Variants in RAB10 observed in about 807,000 individuals in gnomAD.
The protein encoded by RAB10 is RAB10, member RAS oncogene family.
RAB10 carries 5 observed loss-of-function variants against 25.7 expected under a neutral mutation model. The ratio of observed to expected loss-of-function variants is 0.19; its 90% CI spans 0.10 to 0.41. RAB10 has a LOEUF of 0.41. RAB10 is among the 10% of genes least tolerant of loss of function. The pLI is 1.00. For missense variants in RAB10, 103 were observed against 245.8 expected (o/e 0.42, Z 3.89); for synonymous variants, 89 against 86.4 (o/e 1.03, Z -0.16).
chr2:26,110,695 G>GT (rs529535777), intron 3 of RAB10, among the ~76,000 whole-genome samples: 149 of 150,588 alleles, frequency 9.9e-4, no homozygotes, highest in South Asian at 6.8e-3. Flanking sequence ...TGAAAATGTT[G>GT]TTTTTTTTTC....
At chr2:26,033,744 G>A (rs1015392256), upstream of RAB10, among the ~76,000 whole-genome samples, 1 of 152,132 alleles carries the variant, frequency 6.6e-6, no homozygotes, top group African/African-American at 2.4e-5. Context: ...GGAAGGAGGT[G>A]CTGGGCTCTG....
At chr2:26,122,186 C>CA (rs1667818205) in intron 3 of RAB10, among the ~76,000 whole-genome samples, 1 of 152,188 alleles carries the variant, frequency 6.6e-6, no homozygotes, top group African/African-American at 2.4e-5. Flanking sequence ...ATTAATCCAG[C>CA]ATAAGGACCA....
At chr2:26,103,542 T>C (rs769900329) in intron 2 of RAB10, among the ~76,000 whole-genome samples, 2 of 152,226 alleles carry the variant, frequency 1.3e-5, no homozygotes, top group Non-Finnish European at 2.9e-5. Context: ...GTTTTTACTT[T>C]TATTTTTTTG....
chr2:26,116,531 C>A (rs980995947), intron 3 of RAB10, among the ~76,000 whole-genome samples: 1 of 122,364 alleles, frequency 8.2e-6, no homozygotes, highest in Non-Finnish European at 1.8e-5. Context: ...TATTTCTTTT[C>A]TTTCTTTCTG....
intron 2 of RAB10, among the ~76,000 whole-genome samples, chr2:26,107,313 AAAG>A (rs747231812): frequency 1.3e-5 from 2 of 151,972 alleles, no homozygotes; most frequent in Non-Finnish European, 2.9e-5. Context: ...ATGATCTGTA[AAAG>A]AAAAAAAAAT....
chr2:26,035,139 TG>T (rs1347599769), intron 1 of RAB10, among the ~76,000 whole-genome samples: 10 of 152,200 alleles, frequency 6.6e-5, no homozygotes, highest in Non-Finnish European at 1.2e-4. Context: ...ATTTATACTT[TG>T]GGGCAAAGAA....
Position 26,136,221 on chromosome 2 carries a change from CCT to C in RAB10, c.*1203_*1204del, listed in dbSNP as rs1390178026. ...TTGAGTAGTCTGCATTTTGGCAACT[CCT>C]CTAGCAGCTTGGTAGCCTAGTACAG... On this transcript the variant is annotated 3_prime_UTR_variant, in exon 6 of 6. Transcript: ENST00000264710. 6.6e-6 allele frequency: 1 copy of C among 152,536 alleles called. No homozygotes were observed. Among genetic ancestry groups the C allele is most frequent in the African/African-American group, 2.4e-5 (1 of 41,412 alleles). 9.4% of individuals were successfully genotyped at this position (152,536 alleles called of 1,614,324 possible).
chr2:26,077,388 T>G (rs1177559139), intron 1 of RAB10, among the ~76,000 whole-genome samples: 1 of 152,210 alleles, frequency 6.6e-6, no homozygotes, highest in Non-Finnish European at 1.5e-5. Context: ...TGCTTTTGTA[T>G]TATTGTCCAT....
At chr2:26,087,031 G>T (rs1667002506) in intron 1 of RAB10, among the ~76,000 whole-genome samples, 1 of 152,018 alleles carries the variant, frequency 6.6e-6, no homozygotes, top group South Asian at 2.1e-4. Flanking sequence ...AAAACATGTT[G>T]CAACTATTTA....
rs1432226835 is a variant in RAB10, at chr2:26,034,322, GC to G, written c.-284del. The G allele has an allele frequency of 2.1e-5, 12 of 562,820 alleles. No homozygotes were observed. Among genetic ancestry groups the G allele is most frequent in the Middle Eastern group, 4.7e-4 (1 of 2,126 alleles). 34.9% of individuals were successfully genotyped at this position (562,820 alleles called of 1,614,324 possible). On this transcript the variant is annotated 5_prime_UTR_variant, in exon 1 of 6. Transcript: ENST00000264710. ...CCCGTGGGAGCGTCCCGGCCGAGAAGCCCTGAGGGGGGAGGGGAGGCCATTT... is the reference window on the plus strand; with the variant it reads ...CCCGTGGGAGCGTCCCGGCCGAGAAGCCTGAGGGGGGAGGGGAGGCCATTT...
chr2:26,070,270 G>A (rs1666597467), intron 1 of RAB10, among the ~76,000 whole-genome samples: 1 of 152,160 alleles, frequency 6.6e-6, no homozygotes, highest in African/African-American at 2.4e-5. Flanking sequence ...AGGCAGATAT[G>A]CTTGAGAGCT....
chr2:26,104,888 C>A (rs1015849464), intron 2 of RAB10, among the ~76,000 whole-genome samples: 1 of 152,016 alleles, frequency 6.6e-6, no homozygotes, highest in Non-Finnish European at 1.5e-5. Context: ...CAGGTGCCCA[C>A]CACCACGCCC....
chr2:26,120,344 A>C (rs1667777874), intron 3 of RAB10, among the ~76,000 whole-genome samples: 1 of 152,182 alleles, frequency 6.6e-6, no homozygotes, highest in Non-Finnish European at 1.5e-5. Flanking sequence ...ATCTTACCAG[A>C]ATGATGTACT....
chr2:26,123,865 A>G (rs188071832), intron 3 of RAB10, among the ~76,000 whole-genome samples: 13 of 152,202 alleles, frequency 8.5e-5, no homozygotes, highest in Middle Eastern at 3.4e-3. Flanking sequence ...AGAAATTACA[A>G]TGTTTTTCCG....
upstream of RAB10, chr2:26,033,973 G>T: frequency 2.5e-6 from 1 of 397,540 alleles, no homozygotes; most frequent in South Asian, 1.3e-4. Flanking sequence ...TTGGAGACAG[G>T]AGCATTCCAC....
chr2:26,039,768 T>A (rs1383760910), intron 1 of RAB10, among the ~76,000 whole-genome samples: 1 of 152,048 alleles, frequency 6.6e-6, no homozygotes, highest in Non-Finnish European at 1.5e-5. Flanking sequence ...ATCCCAGCAC[T>A]TTGGCAGGCC....
chr2:26,112,737 T>C (rs1418071258), intron 3 of RAB10, among the ~76,000 whole-genome samples: 2 of 152,142 alleles, frequency 1.3e-5, no homozygotes, highest in Non-Finnish European at 2.9e-5. Flanking sequence ...TGCTTCAGCC[T>C]GGGTGACAGA....
At chr2:26,102,289 GTGCC>G (rs1667357919) in intron 2 of RAB10, among the ~76,000 whole-genome samples, 1 of 151,904 alleles carries the variant, frequency 6.6e-6, no homozygotes, top group African/African-American at 2.4e-5. Context: ...TTTATCTCTT[GTGCC>G]TGGAATAATG....
intron 1 of RAB10, among the ~76,000 whole-genome samples, chr2:26,054,808 A>G (rs938237030): frequency 4.6e-5 from 7 of 151,964 alleles, no homozygotes; most frequent in African/African-American, 1.7e-4. Flanking sequence ...TTGTGATGTA[A>G]TGTCTGATTC....
Sources: allele counts gnomAD v4.1 joint callset (sites outside exome capture counted in the v4.1 genomes callset), GRCh38; gene constraint gnomAD v4.1.1; transcripts MANE v1.5; gene names NCBI Gene and HGNC (gene_info 2026-07-23, HGNC 2026-07-21).